Variants in NRXN3 observed in about 807,000 individuals in gnomAD.
The protein encoded by NRXN3 is neurexin 3, also known as neurexin III.
Under a neutral mutation model 137.6 loss-of-function variants are expected in NRXN3, and 32 were observed. That is an observed-to-expected ratio of 0.23 (90% CI 0.18 to 0.31). NRXN3 has a LOEUF of 0.31. Ranked by LOEUF, NRXN3 falls within the 10% of genes least tolerant of loss-of-function variation. The probability of loss-of-function intolerance (pLI) is 1.00; values close to 1 mark genes in which losing one functional copy is unlikely to be tolerated. For missense variants in NRXN3, 1,574 were observed against 2,062.5 expected, an observed-to-expected ratio of 0.76 and a Z score of 4.59; for synonymous variants, 798 against 784.5, an observed-to-expected ratio of 1.02 and a Z score of -0.29.
rs115299171 is a variant in NRXN3 at position 79,173,028 on chromosome 14, G to T, written c.3262+184887G>T. On this transcript the variant is annotated intron_variant, in intron 15 of 20. Transcript: ENST00000335750. ...AAGATAACCAACCATCCATATAGAA[G>T]AAAATAATGTTGGTGCCTATCTCAC... Among the ~76,000 whole-genome samples, 74 of 152,208 alleles carry T rather than the reference G, an allele frequency of 4.9e-4. 1 individual carries two copies. The highest frequency in any genetic ancestry group is 1.6e-3 in the African/African-American group (68 of 41,540).
intron 10 of NRXN3, among the ~76,000 whole-genome samples, chr14:78,840,900 CAT>C (rs940727844): frequency 9.9e-5 from 15 of 152,214 alleles, no homozygotes; most frequent in African/African-American, 2.4e-4. Context: ...AGCAACAAAA[CAT>C]GTGCTAGGTA....
chr14:78,361,253 G>A (rs1411072718), intron 4 of NRXN3, among the ~76,000 whole-genome samples: 1 of 152,156 alleles, frequency 6.6e-6, no homozygotes, highest in African/African-American at 2.4e-5. Flanking sequence ...CCTGATACAG[G>A]TATATATCAA....
At chr14:78,473,183 A>G (rs888600625) in intron 4 of NRXN3, among the ~76,000 whole-genome samples, 6 of 152,010 alleles carry the variant, frequency 3.9e-5, no homozygotes, top group Non-Finnish European at 5.9e-5. Flanking sequence ...TGGGTGGATC[A>G]TGAGGTCAGG....
chr14:79,084,667 A>G (rs763265432), intron 15 of NRXN3, among the ~76,000 whole-genome samples: 1 of 152,108 alleles, frequency 6.6e-6, no homozygotes, highest in Admixed American at 6.6e-5. Context: ...AAATGCCCCT[A>G]TTGTACCTTC....
intron 15 of NRXN3, among the ~76,000 whole-genome samples, chr14:79,144,805 T>TTCTTCCTTCTTTTTTCTTCCC (rs2059140981): frequency 6.6e-6 from 1 of 152,120 alleles, no homozygotes; most frequent in East Asian, 1.9e-4. Flanking sequence ...CCATCCTTCT[T>TTCTTCCTTCTTTTTTCTTCCC]TCTTCCTTCT....
intron 20 of NRXN3, among the ~76,000 whole-genome samples, chr14:79,811,495 G>C (rs1024331891): frequency 2.0e-5 from 3 of 151,952 alleles, no homozygotes; most frequent in African/African-American, 7.2e-5. Context: ...TATGTTCATG[G>C]GAGTATAATG....
At chr14:78,710,931 A>C (rs1361083991) in intron 7 of NRXN3, among the ~76,000 whole-genome samples, 1 of 152,232 alleles carries the variant, frequency 6.6e-6, no homozygotes, top group Admixed American at 6.5e-5. Flanking sequence ...TCGTTAAGCA[A>C]GAATGAATAG....
chr14:79,285,512 T>G (rs1033663991), intron 15 of NRXN3, among the ~76,000 whole-genome samples: 1 of 152,090 alleles, frequency 6.6e-6, no homozygotes, highest in Non-Finnish European at 1.5e-5. Context: ...CTCTGTAGAG[T>G]AAATGTCTGA....
intron 8 of NRXN3, among the ~76,000 whole-genome samples, chr14:78,761,068 T>A (rs1405369663): frequency 6.6e-6 from 1 of 152,198 alleles, no homozygotes; most frequent in Non-Finnish European, 1.5e-5. Flanking sequence ...ATTAGCACCA[T>A]AGAATGCCAT....
intron 10 of NRXN3, among the ~76,000 whole-genome samples, chr14:78,938,842 A>ATTTTTCTTTTTTTCTTTTTTTCT (rs2099347066): frequency 7.4e-6 from 1 of 134,372 alleles, no homozygotes; most frequent in African/African-American, 3.0e-5. Flanking sequence ...GTCCAGAGTG[A>ATTTTTCTTTTTTTCTTTTTTTCT]TTTTTCTTTT....
chr14:79,041,674 T>G (rs538357465), intron 15 of NRXN3, among the ~76,000 whole-genome samples: 2 of 152,294 alleles, frequency 1.3e-5, no homozygotes, highest in African/African-American at 4.8e-5. Flanking sequence ...CACTTCTTTC[T>G]GGAACATTAA....
chr14:79,757,373 G>A (rs2099023362), intron 19 of NRXN3, among the ~76,000 whole-genome samples: 1 of 152,138 alleles, frequency 6.6e-6, no homozygotes, highest in Admixed American at 6.6e-5. Flanking sequence ...CCTGATGATG[G>A]TCCCGTCTTG....
intron 2 of NRXN3, among the ~76,000 whole-genome samples, chr14:78,249,567 A>G (rs1027552782): frequency 2.0e-5 from 3 of 152,054 alleles, no homozygotes; most frequent in Non-Finnish European, 4.4e-5. Flanking sequence ...GCTCCATAGT[A>G]TGGGTCCATC....
At chr14:78,719,197 G>A (rs540658202) in intron 8 of NRXN3, among the ~76,000 whole-genome samples, 1 of 152,300 alleles carries the variant, frequency 6.6e-6, no homozygotes, top group African/African-American at 2.4e-5. Context: ...CATTTGGCAA[G>A]AAAGTAAATA....
At position 79,714,225 on chromosome 14, in the gene NRXN3, A is replaced by G. The variant is rs1242226244; in HGVS notation, c.4014+16288A>G. Among the ~76,000 whole-genome samples the G allele has an allele frequency of 3.3e-5, 5 of 152,354 alleles. No individual in the cohort carries two copies. The South Asian group carries it at 6.2e-4, about 19-fold the overall frequency. ...AACTTGCTATCAGTACACAATTCCAATAGGAATTATATATACACACACTGA... is the reference window on the plus strand; with the variant it reads ...AACTTGCTATCAGTACACAATTCCAGTAGGAATTATATATACACACACTGA... On this transcript the variant is annotated intron_variant, in intron 19 of 20. Coordinates refer to ENST00000335750, the MANE Select transcript of NRXN3 (RefSeq NM_001330195.2).
intron 16 of NRXN3, among the ~76,000 whole-genome samples, chr14:79,479,496 T>C (rs900541798): frequency 3.3e-5 from 5 of 151,986 alleles, no homozygotes; most frequent in African/African-American, 1.2e-4. Flanking sequence ...AGATATATAC[T>C]GCTTTTCATA....
rs1454596542 is a variant in NRXN3 at position 79,309,860 on chromosome 14, A to C, written c.3263-157361A>C. ...CTTTGTCAGATGAGTAGGTTGTGAAAATTTTCTCCCATGTTGTAGGTTGCC... is the reference window on the plus strand; with the variant it reads ...CTTTGTCAGATGAGTAGGTTGTGAACATTTTCTCCCATGTTGTAGGTTGCC... On this transcript the variant is annotated intron_variant, in intron 15 of 20. Coordinates refer to ENST00000335750, the MANE Select transcript of NRXN3 (RefSeq NM_001330195.2). Among the ~76,000 whole-genome samples, 5 of 126,548 alleles carry C rather than the reference A, an allele frequency of 4.0e-5. 1 individual carries two copies. Among genetic ancestry groups the C allele is most frequent in the Admixed American group, 2.3e-4 (3 of 12,870 alleles). 83.0% of individuals were successfully genotyped at this position (126,548 alleles called of 152,430 possible). A position where few individuals can be genotyped will look rare whatever the true frequency, so the allele number is the denominator to read the frequency against.
chr14:79,235,649 G>C (rs2073229593), intron 15 of NRXN3, among the ~76,000 whole-genome samples: 1 of 152,058 alleles, frequency 6.6e-6, no homozygotes, highest in South Asian at 2.1e-4. Flanking sequence ...GAGTAAAAAA[G>C]TTCACTCAGA....
At chr14:79,071,259 G>A (rs1411051094) in intron 15 of NRXN3, among the ~76,000 whole-genome samples, 1 of 151,794 alleles carries the variant, frequency 6.6e-6, no homozygotes, top group Admixed American at 6.6e-5. Flanking sequence ...TATACTTTAA[G>A]TTCTGTGATA....
Sources: gnomAD v4.1 joint callset for allele counts (sites outside exome capture counted in the v4.1 genomes callset) on GRCh38, gnomAD v4.1.1 for gene constraint, MANE v1.5 for transcripts, NCBI Gene and HGNC (gene_info 2026-07-23, HGNC 2026-07-21) for gene names.